The following FOXO3 variants were observed in gnomAD, a reference collection of about 807,000 sequenced individuals.
FOXO3 encodes forkhead box O3, also known as forkhead box protein O3.
Under a neutral mutation model 41.9 loss-of-function variants are expected in FOXO3, and 4 were observed. The ratio of observed to expected loss-of-function variants is 0.10; its 90% CI spans 0.05 to 0.22. FOXO3 has a LOEUF of 0.22. Ranked by LOEUF, FOXO3 falls within the 10% of genes least tolerant of loss-of-function variation. The pLI, the probability that FOXO3 is intolerant of heterozygous loss-of-function variation, is 1.00. For missense variants in FOXO3, 534 were observed against 906.8 expected (o/e 0.59, Z 5.28); for synonymous variants, 318 against 389.3 (o/e 0.82, Z 2.16).
At chr6:108,616,226 G>A (rs548423435) in intron 1 of FOXO3, among the ~76,000 whole-genome samples, 2 of 140,120 alleles carry the variant, frequency 1.4e-5, no homozygotes, top group East Asian at 2.3e-4. Context: ...GTGCAGTGGC[G>A]CAGTCTCGGC....
chr6:108,604,493 A>C (rs1206268129), intron 1 of FOXO3, among the ~76,000 whole-genome samples: 1 of 152,242 alleles, frequency 6.6e-6, no homozygotes, highest in East Asian at 1.9e-4. Context: ...TAGAAATGTT[A>C]TATGACTTAT....
At chr6:108,577,887 CTCT>C (rs1776305881) in intron 1 of FOXO3, among the ~76,000 whole-genome samples, 1 of 152,178 alleles carries the variant, frequency 6.6e-6, no homozygotes, top group East Asian at 1.9e-4. Flanking sequence ...CTGGGGTCTC[CTCT>C]TCTTTAATAT....
chr6:108,567,475 C>T (rs909000876), intron 1 of FOXO3, among the ~76,000 whole-genome samples: 10 of 152,180 alleles, frequency 6.6e-5, no homozygotes, highest in African/African-American at 1.9e-4. Flanking sequence ...GCCACTGACT[C>T]ATCTGTATTA....
intron 1 of FOXO3, among the ~76,000 whole-genome samples, chr6:108,606,281 T>G (rs1777198204): frequency 6.6e-6 from 1 of 152,228 alleles, no homozygotes; most frequent in Non-Finnish European, 1.5e-5. Context: ...AGGAGGTCTC[T>G]CTGAATCCAG....
At chr6:108,588,996 A>G (rs1776661405) in intron 1 of FOXO3, among the ~76,000 whole-genome samples, 1 of 152,218 alleles carries the variant, frequency 6.6e-6, no homozygotes, top group South Asian at 2.1e-4. Context: ...GCAGTATAGC[A>G]TTTAAAAATT....
chr6:108,648,460 T>C (rs936388339), intron 1 of FOXO3, among the ~76,000 whole-genome samples: 1 of 152,206 alleles, frequency 6.6e-6, no homozygotes, highest in African/African-American at 2.4e-5. Context: ...CTCCCTTTGA[T>C]TAATGGTTTA....
intron 2 of FOXO3, among the ~76,000 whole-genome samples, chr6:108,668,194 G>C (rs1386300796): frequency 6.6e-6 from 1 of 152,180 alleles, no homozygotes; most frequent in African/African-American, 2.4e-5. Context: ...TGCTGAATCT[G>C]AGCCGCCTTG....
intron 1 of FOXO3, among the ~76,000 whole-genome samples, chr6:108,646,858 G>T (rs552488294): frequency 9.8e-5 from 15 of 152,340 alleles, no homozygotes; most frequent in Middle Eastern, 3.4e-3. Context: ...AATGTGTTGA[G>T]TCTTCCACAT....
At chr6:108,625,620 G>T (rs939295963) in intron 1 of FOXO3, among the ~76,000 whole-genome samples, 1 of 152,160 alleles carries the variant, frequency 6.6e-6, no homozygotes, top group Non-Finnish European at 1.5e-5. Context: ...GCTGTGTTGA[G>T]AAGAGTTCTA....
chr6:108,670,924 A>G (rs1779199359), intron 2 of FOXO3, among the ~76,000 whole-genome samples: 1 of 152,238 alleles, frequency 6.6e-6, no homozygotes, highest in Non-Finnish European at 1.5e-5. Flanking sequence ...GAAATCATTA[A>G]GCACAGTTCA....
chr6:108,662,286 A>G (rs1778889546), intron 1 of FOXO3, among the ~76,000 whole-genome samples: 1 of 152,212 alleles, frequency 6.6e-6, no homozygotes, highest in South Asian at 2.1e-4. Flanking sequence ...TATCAAGGGT[A>G]CATATTATCA....
At chr6:108,577,972 A>G (rs1776308005) in intron 1 of FOXO3, among the ~76,000 whole-genome samples, 1 of 152,162 alleles carries the variant, frequency 6.6e-6, no homozygotes, top group African/African-American at 2.4e-5. Flanking sequence ...TAGTTAAGTT[A>G]TTTTGAAGTT....
chr6:108,572,620 T>C (rs1286382485), intron 1 of FOXO3, among the ~76,000 whole-genome samples: 1 of 152,226 alleles, frequency 6.6e-6, no homozygotes, highest in African/African-American at 2.4e-5. Flanking sequence ...ATTCTCATAT[T>C]TTAAAATTAT....
At chr6:108,565,235 G>T (rs565837614) in intron 1 of FOXO3, among the ~76,000 whole-genome samples, 1 of 152,174 alleles carries the variant, frequency 6.6e-6, no homozygotes, top group Non-Finnish European at 1.5e-5. Flanking sequence ...AAGAAGGATA[G>T]CATTTTAACA....
intron 1 of FOXO3, among the ~76,000 whole-genome samples, chr6:108,592,568 T>G (rs1315827251): frequency 6.6e-6 from 1 of 152,220 alleles, no homozygotes; most frequent in Non-Finnish European, 1.5e-5. Context: ...GAATGCATTT[T>G]AAATTCACTT....
At chr6:108,673,173 C>G (rs1285256146) in intron 2 of FOXO3, among the ~76,000 whole-genome samples, 1 of 152,214 alleles carries the variant, frequency 6.6e-6, no homozygotes, top group Non-Finnish European at 1.5e-5. Flanking sequence ...GCCTGCCCAC[C>G]GAGTAACAAA....
At chr6:108,621,647 A>T (rs187440331) in intron 1 of FOXO3, among the ~76,000 whole-genome samples, 1 of 152,188 alleles carries the variant, frequency 6.6e-6, no homozygotes, top group East Asian at 1.9e-4. Flanking sequence ...CCCACAGCAG[A>T]TGTGTCCAGC....
intron 1 of FOXO3, among the ~76,000 whole-genome samples, chr6:108,629,423 A>G (rs1777899214): frequency 6.6e-6 from 1 of 152,172 alleles, no homozygotes; most frequent in Non-Finnish European, 1.5e-5. Flanking sequence ...AAAGACTACC[A>G]GTAGGGAGAG....
At chr6:108,656,329 G>A (rs1374443799) in intron 1 of FOXO3, 16 of 984,210 alleles carry the variant, frequency 1.6e-5, no homozygotes, top group East Asian at 1.1e-4. Flanking sequence ...GGAAGCACAT[G>A]CAGCTGGTGT....
Sources: allele counts gnomAD v4.1 joint callset (sites outside exome capture counted in the v4.1 genomes callset), GRCh38; gene constraint gnomAD v4.1.1; transcripts MANE v1.5; gene names NCBI Gene and HGNC (gene_info 2026-07-23, HGNC 2026-07-21).